The following POLR3GL variants were observed in gnomAD, a reference collection of about 807,000 sequenced individuals.
The protein encoded by POLR3GL is DNA-directed RNA polymerase III subunit RPC7-like.
A neutral mutation model predicts 32.4 loss-of-function variants in POLR3GL; 26 were observed. That is an observed-to-expected ratio of 0.80 (90% CI 0.59 to 1.11). The LOEUF is 1.11. Among genes scored for constraint, POLR3GL ranks in the 50% most tolerant of loss-of-function variants. The pLI is 0.00. For synonymous variants in POLR3GL, 95 were observed against 98.7 expected, an observed-to-expected ratio of 0.96 and a Z score of 0.22; for missense variants, 229 against 280.1, an observed-to-expected ratio of 0.82 and a Z score of 1.30.
intron 1 of POLR3GL, among the ~76,000 whole-genome samples, chr1:145,968,863 G>A (rs1258327745): frequency 3.3e-5 from 5 of 151,930 alleles, no homozygotes; most frequent in Admixed American, 3.3e-4. Context: ...GAGCCACCAC[G>A]CCCAGCCAAC....
chr1:145,973,961 T>TAAA (rs35199064), intron 1 of POLR3GL, among the ~76,000 whole-genome samples: 10 of 104,926 alleles, frequency 9.5e-5, no homozygotes, highest in African/African-American at 3.7e-4. Flanking sequence ...TCCAGTCTCT[T>TAAA]AAAAAAAAAA....
At chr1:145,977,354 A>T (rs1650604405) in intron 4 of POLR3GL, 129 bp from the exon 5 acceptor site, 2 of 945,310 alleles carry the variant, frequency 2.1e-6, no homozygotes, top group Non-Finnish European at 3.4e-6. Context: ...TATCCAAGCC[A>T]CTGAACAACT....
At chr1:145,972,984 C>A (rs1650395799) in intron 1 of POLR3GL, among the ~76,000 whole-genome samples, 1 of 152,108 alleles carries the variant, frequency 6.6e-6, no homozygotes, top group African/African-American at 2.4e-5. Flanking sequence ...TAGCAATGAG[C>A]CGCTGCACCC....
chr1:145,972,431 A>G (rs1650363870), intron 1 of POLR3GL, among the ~76,000 whole-genome samples: 1 of 150,720 alleles, frequency 6.6e-6, no homozygotes, highest in Non-Finnish European at 1.5e-5. Flanking sequence ...CCCTTTTAGG[A>G]TGGAGTGTCT....
chr1:145,977,814 C>G lies in POLR3GL; in HGVS notation c.419C>G (p.Thr140Ser). The G allele has an allele frequency of 6.2e-7, 1 of 1,613,970 alleles. No individual in the cohort carries two copies. Among genetic ancestry groups the G allele is most frequent in the Non-Finnish European group, 8.5e-7 (1 of 1,179,898 alleles). The change falls in exon 6 of 8, where the codon ACC becomes AGC. Residue 140 changes from threonine (T) to serine (S), a missense_variant. Transcript: ENST00000369314. ...CTGCTCCCCAAGAGGCCCCCTAAGA[C>G]CACAGAAGATAAGGAGGAAACAATA... is the stretch of plus-strand genomic sequence containing the variant. ...TILLPKRPPK[T>S]TEDKEETIQK...
At chr1:145,976,556 G>A (rs1371036977) in intron 3 of POLR3GL, among the ~76,000 whole-genome samples, 1 of 144,008 alleles carries the variant, frequency 6.9e-6, no homozygotes, top group Admixed American at 7.1e-5. Context: ...CAGCCCAGGC[G>A]ACAGTGCGAG....
At chr1:145,977,285 C>T in intron 4 of POLR3GL, 133 bp downstream of exon 4, 1 of 914,104 alleles carries the variant, frequency 1.1e-6, no homozygotes, top group Non-Finnish European at 1.8e-6. Flanking sequence ...AGTTATGGTC[C>T]AACACATTCT....
intron 1 of POLR3GL, among the ~76,000 whole-genome samples, chr1:145,973,510 G>A (rs781964718): frequency 2.0e-5 from 3 of 151,540 alleles, no homozygotes; most frequent in Non-Finnish European, 4.4e-5. Flanking sequence ...CCAGGAGTTC[G>A]AGACCAGCCT....
chr1:145,972,011 TAC>T lies in POLR3GL; in HGVS notation c.-41-2813_-41-2812del, dbSNP rs1491087716. Among the ~76,000 whole-genome samples, 150 of 112,196 alleles carry T rather than the reference TAC, an allele frequency of 1.3e-3. 2 individuals are homozygous for T. Among genetic ancestry groups the T allele is most frequent in the African/African-American group, 5.2e-3 (137 of 26,252 alleles). 73.6% of individuals were successfully genotyped at this position (112,196 alleles called of 152,430 possible). ...AAAAATATATATATATATATATATA[TAC>T]GTGTGTGTGTGTGTGTGTATATATA... On this transcript the variant is annotated intron_variant, in intron 1 of 7. Transcript: ENST00000369314.
At chr1:145,966,443 C>T (rs1363172086) in intron 1 of POLR3GL, among the ~76,000 whole-genome samples, 1 of 141,290 alleles carries the variant, frequency 7.1e-6, no homozygotes, top group African/African-American at 2.7e-5. Context: ...ATTGCCACTG[C>T]ACTGCACTTC....
chr1:145,965,058 A>G (rs1411946137), intron 1 of POLR3GL, among the ~76,000 whole-genome samples: 5 of 152,014 alleles, frequency 3.3e-5, no homozygotes, highest in African/African-American at 1.2e-4. Flanking sequence ...AGCCTGACAA[A>G]CTCCTGTTAT....
chr1:145,971,185 CAAA>C (rs36126138), intron 1 of POLR3GL, among the ~76,000 whole-genome samples: 4 of 90,680 alleles, frequency 4.4e-5, no homozygotes, highest in Non-Finnish European at 4.0e-5. Flanking sequence ...AACTCCATCT[CAAA>C]AAAAAAAAAA....
chr1:145,977,649 CAA>C, intron 5 of POLR3GL, 110 bp downstream of exon 5: 6 of 1,310,380 alleles, frequency 4.6e-6, no homozygotes, highest in Non-Finnish European at 6.6e-6. Flanking sequence ...CCCAATCTAC[CAA>C]GTGTTGTTGC....
In POLR3GL at chr1:145,978,574, G is replaced by C; in HGVS notation, c.*127G>C. ...TAATCTGTCTGTTCCCTGGAGATGG[G>C]AATAGAGGATGATGACAGTTTATTT... On this transcript the variant is annotated 3_prime_UTR_variant, in exon 8 of 8. Coordinates refer to ENST00000369314, the MANE Select transcript of POLR3GL (RefSeq NM_032305.3). The C allele has an allele frequency of 2.9e-6, 2 of 696,586 alleles. No individual in the cohort carries two copies. Among genetic ancestry groups the C allele is most frequent in the Non-Finnish European group, 5.1e-6 (2 of 388,752 alleles). The allele number at this position is 696,586 out of a possible 1,614,324, so 43.2% of individuals were successfully genotyped here.
chr1:145,969,594 A>G (rs1650187580), intron 1 of POLR3GL, among the ~76,000 whole-genome samples: 1 of 149,142 alleles, frequency 6.7e-6, no homozygotes, highest in South Asian at 2.2e-4. Flanking sequence ...TAATGTTGTT[A>G]TAGTATTCTA....
rs1553763143 is a variant in POLR3GL at position 145,974,871 on chromosome 1, C to T, written c.6C>T (p.Ala2=). 2 of 1,515,570 alleles carry T rather than the reference C, an allele frequency of 1.3e-6. No homozygotes were observed. The highest frequency in any genetic ancestry group is 8.8e-7 in the Non-Finnish European group (1 of 1,141,348). 93.9% of individuals were successfully genotyped at this position (1,515,570 alleles called of 1,614,324 possible). Residue 2 remains alanine, a synonymous_variant, in exon 2 of 8, where the codon GCC becomes GCT. Transcript: ENST00000369314. The part of the protein sequence containing the change: M[A]SRGGGRGRGR... Reference sequence around the variant, plus strand: ...ATACCCAGGCCCCCTCCACCATGGCCAGCCGGGGTGGGGGCCGGGGTCGTG... The same window carrying T: ...ATACCCAGGCCCCCTCCACCATGGCTAGCCGGGGTGGGGGCCGGGGTCGTG...
chr1:145,965,105 C>T (rs782736540), intron 1 of POLR3GL, among the ~76,000 whole-genome samples: 9 of 152,182 alleles, frequency 5.9e-5, no homozygotes, highest in Admixed American at 4.6e-4. Flanking sequence ...TGTAGTTTTC[C>T]TGGGCCGCCT....
At chr1:145,976,644 G>T (rs1187764713) in intron 3 of POLR3GL, among the ~76,000 whole-genome samples, 1 of 150,828 alleles carries the variant, frequency 6.6e-6, no homozygotes, top group African/African-American at 2.4e-5. Flanking sequence ...GCCGGGCGCA[G>T]TAATTCACGC....
At chr1:145,975,923 C>T (rs1650529362) in intron 3 of POLR3GL, among the ~76,000 whole-genome samples, 1 of 152,012 alleles carries the variant, frequency 6.6e-6, no homozygotes, top group South Asian at 2.1e-4. Context: ...ATACTTTCCA[C>T]TGCACCACGC....
Sources: gnomAD v4.1 joint callset for allele counts (sites outside exome capture counted in the v4.1 genomes callset) on GRCh38, gnomAD v4.1.1 for gene constraint, MANE v1.5 for transcripts, NCBI Gene and HGNC (gene_info 2026-07-23, HGNC 2026-07-21) for gene names.